MAG: variants seen among roughly 807,000 people sequenced by gnomAD.
MAG encodes the protein myelin-associated glycoprotein.
MAG carries 30 observed loss-of-function variants against 60.7 expected under a neutral mutation model. The observed-to-expected ratio is 0.49, with a 90% CI of 0.37 to 0.67. The LOEUF is 0.67. MAG is among the 30% of genes least tolerant of loss of function. MAG has a pLI of 0.00. For missense variants in MAG, 795 were observed against 851.7 expected (o/e 0.93, Z 0.83); for synonymous variants, 384 against 376.8 (o/e 1.02, Z -0.22).
chr19:35,309,373 A>G (rs914963440), intron 7 of MAG, among the ~76,000 whole-genome samples: 2 of 152,088 alleles, frequency 1.3e-5, no homozygotes, highest in African/African-American at 2.4e-5. Flanking sequence ...GGGTCAGGGT[A>G]TGGGTTTACA....
At chr19:35,297,861 C>T (rs770597351) in intron 4 of MAG, among the ~76,000 whole-genome samples, 8 of 149,538 alleles carry the variant, frequency 5.3e-5, no homozygotes, top group Non-Finnish European at 1.2e-4. Context: ...AAACCACACA[C>T]CACACACACA....
chr19:35,301,896 C>T (rs1292004353), intron 6 of MAG, among the ~76,000 whole-genome samples: 1 of 136,856 alleles, frequency 7.3e-6, no homozygotes, highest in Non-Finnish European at 1.5e-5. Context: ...CAATCTTCCC[C>T]CCGGCATTCC....
At chr19:35,298,722 C>CAT (rs2066422291) in intron 4 of MAG, among the ~76,000 whole-genome samples, 1 of 149,008 alleles carries the variant, frequency 6.7e-6, no homozygotes, top group African/African-American at 2.5e-5. Context: ...ACAAACCACA[C>CAT]CACACACACA....
intron 7 of MAG, among the ~76,000 whole-genome samples, chr19:35,303,037 C>T (rs1308165953): frequency 6.6e-6 from 1 of 151,682 alleles, no homozygotes; most frequent in Non-Finnish European, 1.5e-5. Flanking sequence ...AATTCTCCTG[C>T]CCCAGCCTCC....
intron 10 of MAG, chr19:35,312,239 C>T: frequency 1.0e-5 from 16 of 1,592,358 alleles, no homozygotes; most frequent in African/African-American, 4.0e-5. Flanking sequence ...GGCCCCCTCC[C>T]CTCCCTGCCT....
At position 35,295,155 on chromosome 19, in the gene MAG, G is replaced by C. The variant is rs1388503401; in HGVS notation, c.-23-231G>C. Among the ~76,000 whole-genome samples, 1 of 152,170 alleles carries C rather than the reference G, an allele frequency of 6.6e-6. No homozygotes were observed. Among genetic ancestry groups the C allele is most frequent in the African/African-American group, 2.4e-5 (1 of 41,432 alleles). On this transcript the variant is annotated intron_variant, in intron 2 of 10. Transcript: ENST00000392213. This position sits in a 1 kb window ranked among gnomAD's most constrained non-coding sequence, Gnocchi z 5.8. Reference sequence around the variant, plus strand: ...TGGCGCATACCAGAAGCTGAGACAAGAGGATAACACGAGCTCAGGATTTTG... The same window carrying C: ...TGGCGCATACCAGAAGCTGAGACAACAGGATAACACGAGCTCAGGATTTTG...
chr19:35,294,233 A>G lies in MAG; in HGVS notation c.-79-2A>G. ...CACCTGAGTGACTCTTGTTGCATGC[A>G]GGTTGTCTGGCGGCTTCAGGTGGAC... is the stretch of plus-strand genomic sequence containing the variant. On this transcript the variant is annotated splice_acceptor_variant, in intron 1 of 10. Coordinates refer to ENST00000392213, the MANE Select transcript of MAG (RefSeq NM_002361.4). LOFTEE classifies it low-confidence loss of function (5UTR_SPLICE). 4.6e-6 allele frequency: 2 copies of G among 434,616 alleles called. No homozygotes were observed. Among genetic ancestry groups the G allele is most frequent in the South Asian group, 1.6e-5 (1 of 61,024 alleles). The allele number at this position is 434,616 out of a possible 1,614,324, so 26.9% of individuals were successfully genotyped here. A position where few individuals can be genotyped will look rare whatever the true frequency, so the allele number is the denominator to read the frequency against.
At chr19:35,308,705 G>A (rs1159583471) in intron 7 of MAG, among the ~76,000 whole-genome samples, 4 of 152,164 alleles carry the variant, frequency 2.6e-5, no homozygotes, top group East Asian at 1.9e-4. Flanking sequence ...GCAAAATCTC[G>A]CCTAAAGAAC....
At chr19:35,309,384 T>G (rs1043224058) in intron 7 of MAG, among the ~76,000 whole-genome samples, 2 of 152,138 alleles carry the variant, frequency 1.3e-5, no homozygotes, top group Non-Finnish European at 2.9e-5. Flanking sequence ...TGGGTTTACA[T>G]GAGGGTTTAA....
intron 7 of MAG, among the ~76,000 whole-genome samples, chr19:35,308,125 G>A (rs1393658805): frequency 1.3e-5 from 2 of 152,188 alleles, no homozygotes; most frequent in African/African-American, 4.8e-5. Flanking sequence ...CAGGGAGGGT[G>A]AGTGCTGGGG....
rs138729872 is a variant in MAG, at chr19:35,304,551, T to A, written c.1231+1843T>A. 4.1e-3 allele frequency among the ~76,000 whole-genome samples: 616 copies of A among 152,050 alleles called. 3 individuals carry two copies. The highest frequency in any genetic ancestry group is 0.024 in the East Asian group (126 of 5,180). On this transcript the variant is annotated intron_variant, in intron 7 of 10. Coordinates refer to ENST00000392213, the MANE Select transcript of MAG (RefSeq NM_002361.4). ...TCTTATTTTTATTATTATTATTATT[T>A]TTTTTTTGAGACTGAGTCTCGCTCT...
At chr19:35,308,951 C>T (rs1053946377) in intron 7 of MAG, among the ~76,000 whole-genome samples, 1 of 151,960 alleles carries the variant, frequency 6.6e-6, no homozygotes, top group South Asian at 2.1e-4. Flanking sequence ...TCAGCCTGGG[C>T]GACAGGGCCA....
At chr19:35,312,485 TC>T in intron 10 of MAG, 1 of 405,046 alleles carries the variant, frequency 2.5e-6, no homozygotes, top group South Asian at 1.9e-5. Flanking sequence ...CTGTTGCAGC[TC>T]CCTTCTGTCT....
At chr19:35,313,171 T>C in intron 10 of MAG, 119 bp from the exon 11 acceptor site, 1 of 1,087,112 alleles carries the variant, frequency 9.2e-7, no homozygotes, top group South Asian at 2.4e-5. Context: ...AGAAAGGAGG[T>C]TCTCGCAGGG....
chr19:35,311,410 G>A (rs1002295606), intron 9 of MAG, among the ~76,000 whole-genome samples: 4 of 152,152 alleles, frequency 2.6e-5, no homozygotes, highest in African/African-American at 9.7e-5. Context: ...GCTGTAGTGA[G>A]CTATGATTTC....
At position 35,295,673 on chromosome 19, in the gene MAG, C is replaced by T; in HGVS notation, c.107C>T (p.Thr36Met). 5.6e-6 allele frequency: 9 copies of T among 1,612,446 alleles called. No homozygotes were observed. Among genetic ancestry groups the T allele is most frequent in the East Asian group, 2.2e-5 (1 of 44,878 alleles). ...MPSSISAFEG[T>M]CVSIPCRFDF... ...TCGTCCATCTCGGCCTTCGAAGGCA[C>T]GTGCGTCTCCATCCCCTGCCGCTTT... The change falls in exon 4 of 11, where the codon ACG becomes ATG. Residue 36 changes from threonine to methionine, a missense_variant. By Grantham distance (81) the Thr-to-Met change is moderately conservative. Transcript: ENST00000392213. The surrounding 1 kb of genome is among the most constrained non-coding windows in gnomAD (Gnocchi z 5.8).
chr19:35,296,497 G>T (rs182612704), intron 4 of MAG, among the ~76,000 whole-genome samples: 5 of 152,258 alleles, frequency 3.3e-5, no homozygotes, highest in African/African-American at 1.2e-4. Flanking sequence ...CCAGAATTTT[G>T]GATTCTTTGG....
At position 35,302,476 on chromosome 19, in the gene MAG, G is replaced by A. The variant is rs1189865665; in HGVS notation, c.999G>A (p.Gly333=). Residue 333 remains glycine (G), a synonymous_variant, in exon 7 of 11, where the codon GGG becomes GGA. Transcript: ENST00000392213. The part of the protein sequence containing the change: ...MYAPWKPTVN[G]TMVAVEGETV... The stretch of plus-strand genomic sequence containing the variant: ...CACCCTGGAAGCCAACAGTGAACGG[G>A]ACAATGGTGGCCGTAGAGGGGGAGA... 6.2e-7 allele frequency: 1 copy of A among 1,614,158 alleles called. No individual in the cohort carries two copies. Among genetic ancestry groups the A allele is most frequent in the African/African-American group, 1.3e-5 (1 of 75,032 alleles).
At chr19:35,300,800 G>T (rs1210801099) in intron 6 of MAG, among the ~76,000 whole-genome samples, 2 of 152,196 alleles carry the variant, frequency 1.3e-5, no homozygotes, top group African/African-American at 4.8e-5. Flanking sequence ...CACCATGATA[G>T]CACCACTTGC....
Sources: allele counts gnomAD v4.1 joint callset (sites outside exome capture counted in the v4.1 genomes callset), GRCh38; gene constraint gnomAD v4.1.1; non-coding constraint Gnocchi (gnomAD v3.1); transcripts MANE v1.5; gene names NCBI Gene and HGNC (gene_info 2026-07-23, HGNC 2026-07-21).